Variants in ENAH observed in about 807,000 individuals in gnomAD.
ENAH encodes the protein protein enabled homolog.
A neutral mutation model predicts 78.7 loss-of-function variants in ENAH; 23 were observed. The ratio of observed to expected loss-of-function variants is 0.29; its 90% CI spans 0.21 to 0.41. The LOEUF is 0.41. Ranked by LOEUF, ENAH falls within the 10% of genes least tolerant of loss-of-function variation. ENAH has a pLI of 1.00. For missense variants in ENAH, 544 were observed against 691.0 expected (o/e 0.79, Z 2.39); for synonymous variants, 226 against 241.0 (o/e 0.94, Z 0.58).
chr1:225,500,442 T>A (rs2096275648), intron 12 of ENAH, among the ~76,000 whole-genome samples: 1 of 152,242 alleles, frequency 6.6e-6, no homozygotes, highest in Non-Finnish European at 1.5e-5. Context: ...TACTAAATTA[T>A]GATCCCTTGA....
intron 3 of ENAH, 82 bp downstream of exon 3, chr1:225,554,824 G>C (rs1046830045): frequency 8.0e-7 from 1 of 1,244,182 alleles, no homozygotes; most frequent in African/African-American, 1.5e-5. Flanking sequence ...TGGCACTTCA[G>C]TTCAAGAATA....
intron 3 of ENAH, among the ~76,000 whole-genome samples, chr1:225,543,466 A>G (rs895650138): frequency 6.6e-6 from 1 of 152,250 alleles, no homozygotes; most frequent in African/African-American, 2.4e-5. Flanking sequence ...TCATTTCAGA[A>G]ATTACAAAAG....
At chr1:225,507,438 C>A (rs1456465984) in intron 11 of ENAH, among the ~76,000 whole-genome samples, 1 of 151,836 alleles carries the variant, frequency 6.6e-6, no homozygotes, top group Admixed American at 6.6e-5. Flanking sequence ...TGTTAAATTT[C>A]TTGAGAGTAA....
intron 2 of ENAH, among the ~76,000 whole-genome samples, chr1:225,566,908 G>A (rs923632312): frequency 6.6e-6 from 1 of 152,148 alleles, no homozygotes; most frequent in African/African-American, 2.4e-5. Flanking sequence ...ACATTGGCAG[G>A]AAATTAATTC....
chr1:225,590,677 C>T (rs367730459), intron 1 of ENAH, among the ~76,000 whole-genome samples: 9 of 152,218 alleles, frequency 5.9e-5, no homozygotes, highest in African/African-American at 2.2e-4. Context: ...TAGATGACTC[C>T]TCTGCCAACA....
chr1:225,528,823 C>T (rs1214020617), intron 4 of ENAH, among the ~76,000 whole-genome samples: 1 of 152,136 alleles, frequency 6.6e-6, no homozygotes, highest in African/African-American at 2.4e-5. Context: ...TGACATCCCC[C>T]AACAAGACCT....
At chr1:225,547,052 T>TTTG (rs916252333) in intron 3 of ENAH, among the ~76,000 whole-genome samples, 40 of 151,898 alleles carry the variant, frequency 2.6e-4, no homozygotes, top group Middle Eastern at 3.4e-3. Context: ...ACATCTATTA[T>TTTG]TTGTTGTTGT....
Position 225,492,842 on chromosome 1 carries a change from A to G in ENAH, c.*4933T>C, listed in dbSNP as rs926485849. Reference sequence around the variant, plus strand: ...AGACATTCTTACAACATCCTAAGTCATTATGACAGTCATTTATCCTTTTAC... The same window carrying G: ...AGACATTCTTACAACATCCTAAGTCGTTATGACAGTCATTTATCCTTTTAC... On this transcript the variant is annotated 3_prime_UTR_variant, in exon 14 of 14. Coordinates refer to ENST00000366843, the MANE Select transcript of ENAH (RefSeq NM_018212.6). 5.7e-5 allele frequency: 1 copy of G among 17,450 alleles called. No homozygotes were observed. The highest frequency in any genetic ancestry group is 1.0e-4 in the Non-Finnish European group (1 of 9,584). 1.1% of individuals were successfully genotyped at this position (17,450 alleles called of 1,614,324 possible).
At chr1:225,499,241 C>A (rs1482378534) in intron 12 of ENAH, among the ~76,000 whole-genome samples, 1 of 152,042 alleles carries the variant, frequency 6.6e-6, no homozygotes, top group Non-Finnish European at 1.5e-5. Flanking sequence ...GCACTCCAGC[C>A]TCGGCGACAA....
rs2096474828 is a variant in ENAH at position 225,522,187 on chromosome 1, A to G, written c.435-2622T>C. Among the ~76,000 whole-genome samples, 3 of 152,216 alleles carry G rather than the reference A, an allele frequency of 2.0e-5. No individual in the cohort carries two copies. The South Asian group carries it at 6.2e-4, about 31-fold the overall frequency. On this transcript the variant is annotated intron_variant, in intron 4 of 13. Transcript: ENST00000366843. ...CTAGTTAGAGACAAAGCTAAATGAC[A>G]GCACATGCATGCTATCCCTTTGTTC...
chr1:225,517,133 A>T, intron 6 of ENAH, 63 bp downstream of exon 6: 1 of 1,368,808 alleles, frequency 7.3e-7, no homozygotes, highest in Non-Finnish European at 9.7e-7. Flanking sequence ...TCAGGCAATT[A>T]AAGTCACTGC....
At chr1:225,588,801 CAAAAAAAAAAAAA>C (rs55962047) in intron 1 of ENAH, among the ~76,000 whole-genome samples, 12,241 of 79,250 alleles carry the variant, frequency 0.15, 679 homozygotes, top group Admixed American at 0.27. Context: ...AAGTCTGTGT[CAAAAAAAAAAAAA>C]AAAAAAAAAA....
chr1:225,640,649 C>G (rs1214050452), intron 1 of ENAH, among the ~76,000 whole-genome samples: 1 of 152,166 alleles, frequency 6.6e-6, no homozygotes, highest in Non-Finnish European at 1.5e-5. Flanking sequence ...CTGGGTGACC[C>G]TGGGCAAGTC....
At chr1:225,623,109 T>C (rs576204198) in intron 1 of ENAH, among the ~76,000 whole-genome samples, 11 of 152,296 alleles carry the variant, frequency 7.2e-5, no homozygotes, top group African/African-American at 2.2e-4. Context: ...GAAAGGCAGA[T>C]AGAATTTTTC....
At position 225,631,575 on chromosome 1, in the gene ENAH, C is replaced by CAAAAA. The variant is rs397939130; in HGVS notation, c.5+21106_5+21110dup. On this transcript the variant is annotated intron_variant, in intron 1 of 13. Coordinates refer to ENST00000366843, the MANE Select transcript of ENAH (RefSeq NM_018212.6). ...AGTGACAGAGCAAGACACCATCTCT[C>CAAAAA]AAAAAAAAAAAAAAAAAAGGCATAA... is the stretch of plus-strand genomic sequence containing the variant. Among the ~76,000 whole-genome samples, 39 of 71,458 alleles carry CAAAAA rather than the reference C, an allele frequency of 5.5e-4. No homozygotes were observed. In the South Asian group the frequency reaches 0.011, roughly 19 times the overall value. The allele number at this position is 71,458 out of a possible 152,430, so 46.9% of individuals were successfully genotyped here.
At chr1:225,553,951 A>G (rs1187105508) in intron 3 of ENAH, among the ~76,000 whole-genome samples, 8 of 152,212 alleles carry the variant, frequency 5.3e-5, no homozygotes, top group Admixed American at 5.2e-4. Context: ...AGTATTTGAC[A>G]GACTAACACA....
At chr1:225,572,240 G>T (rs975383379) in intron 1 of ENAH, among the ~76,000 whole-genome samples, 1 of 152,118 alleles carries the variant, frequency 6.6e-6, no homozygotes, top group Non-Finnish European at 1.5e-5. Context: ...TACTAACTCC[G>T]ATTACAGGTG....
intron 1 of ENAH, among the ~76,000 whole-genome samples, chr1:225,639,705 A>ACACAC (rs1660675964): frequency 2.9e-5 from 4 of 138,552 alleles, no homozygotes; most frequent in African/African-American, 1.1e-4. Context: ...GGCGGGATTA[A>ACACAC]ACACACACAC....
intron 1 of ENAH, among the ~76,000 whole-genome samples, chr1:225,641,990 C>T (rs1200142274): frequency 6.6e-6 from 1 of 151,674 alleles, no homozygotes; most frequent in East Asian, 1.9e-4. Flanking sequence ...CACTGCACTC[C>T]GGCCTGGGGG....
Sources: gnomAD v4.1 joint callset for allele counts (sites outside exome capture counted in the v4.1 genomes callset) on GRCh38, gnomAD v4.1.1 for gene constraint, MANE v1.5 for transcripts, NCBI Gene and HGNC (gene_info 2026-07-23, HGNC 2026-07-21) for gene names.